The following PLCB1 variants were observed in gnomAD, a reference collection of about 807,000 sequenced individuals.
PLCB1 encodes 1-phosphatidylinositol 4,5-bisphosphate phosphodiesterase beta-1.
In PLCB1, 46 loss-of-function variants were observed where a neutral mutation model predicts 161.8. The ratio of observed to expected loss-of-function variants is 0.28; its 90% CI spans 0.22 to 0.36. The LOEUF (loss-of-function observed/expected upper bound fraction) is 0.36. PLCB1 is among the 10% of genes least tolerant of loss of function. The pLI is 1.00. For missense variants in PLCB1, 1,016 were observed against 1,472.5 expected (o/e 0.69, Z 5.07); for synonymous variants, 517 against 503.7 (o/e 1.03, Z -0.35).
chr20:8,767,698 A>G (rs1388157480), intron 26 of PLCB1, among the ~76,000 whole-genome samples: 1 of 152,128 alleles, frequency 6.6e-6, no homozygotes, highest in African/African-American at 2.4e-5. Flanking sequence ...GGCGGACCAC[A>G]GGGGGCTTCC....
chr20:8,561,206 G>A (rs1986128780), intron 3 of PLCB1, among the ~76,000 whole-genome samples: 1 of 151,798 alleles, frequency 6.6e-6, no homozygotes, highest in Admixed American at 6.6e-5. Flanking sequence ...TCCTGTGTGT[G>A]GTTCAACATT....
intron 3 of PLCB1, among the ~76,000 whole-genome samples, chr20:8,537,322 G>A (rs557514993): frequency 6.6e-6 from 1 of 152,224 alleles, no homozygotes; most frequent in South Asian, 2.1e-4. Flanking sequence ...CCCTTTTCCG[G>A]TGGAATGCCC....
chr20:8,728,271 A>G (rs1980046754), intron 17 of PLCB1, among the ~76,000 whole-genome samples: 1 of 152,086 alleles, frequency 6.6e-6, no homozygotes, highest in African/African-American at 2.4e-5. Flanking sequence ...TTCAGCTAGC[A>G]AGTTTGAGAG....
At chr20:8,538,311 G>A (rs988951606) in intron 3 of PLCB1, among the ~76,000 whole-genome samples, 4 of 152,242 alleles carry the variant, frequency 2.6e-5, no homozygotes, top group South Asian at 4.1e-4. Flanking sequence ...CTAACCCTAA[G>A]CATTATTTTG....
chr20:8,388,105 G>C (rs1987482753), intron 3 of PLCB1, among the ~76,000 whole-genome samples: 1 of 151,942 alleles, frequency 6.6e-6, no homozygotes. Context: ...GTGAATTCAG[G>C]TCAAATGATG....
chr20:8,373,137 A>T (rs1342805060), intron 3 of PLCB1, among the ~76,000 whole-genome samples: 1 of 152,202 alleles, frequency 6.6e-6, no homozygotes, highest in Non-Finnish European at 1.5e-5. Context: ...TCTCGTGAGG[A>T]TGGATTTTTA....
chr20:8,340,116 T>C (rs1985743784), intron 2 of PLCB1, among the ~76,000 whole-genome samples: 1 of 152,216 alleles, frequency 6.6e-6, no homozygotes, highest in Admixed American at 6.5e-5. Context: ...TTTCCAACTC[T>C]CTAATTCCCC....
chr20:8,878,069 T>A (rs1441786325), intron 31 of PLCB1, among the ~76,000 whole-genome samples: 1 of 152,214 alleles, frequency 6.6e-6, no homozygotes, highest in Non-Finnish European at 1.5e-5. Context: ...TTTCTTGTAT[T>A]TTACTTCTTT....
chr20:8,840,712 G>T (rs1303961308), intron 31 of PLCB1, among the ~76,000 whole-genome samples: 1 of 152,086 alleles, frequency 6.6e-6, no homozygotes, highest in Non-Finnish European at 1.5e-5. Context: ...ATTTGAATTT[G>T]GCAGAGACCC....
intron 3 of PLCB1, among the ~76,000 whole-genome samples, chr20:8,402,468 C>A (rs1212471927): frequency 6.6e-6 from 1 of 152,024 alleles, no homozygotes; most frequent in East Asian, 1.9e-4. Context: ...TTCTAACCAC[C>A]TTTTATTAAA....
chr20:8,841,263 A>G (rs999948051), intron 31 of PLCB1, among the ~76,000 whole-genome samples: 10 of 152,340 alleles, frequency 6.6e-5, no homozygotes, highest in African/African-American at 1.9e-4. Context: ...CTACAAGACA[A>G]TTTCCTTAAA....
At chr20:8,486,029 T>A (rs6039174) in intron 3 of PLCB1, among the ~76,000 whole-genome samples, 1,635 of 152,246 alleles carry the variant, frequency 0.011, 26 homozygotes, top group African/African-American at 0.036. Context: ...CTTCTTCACA[T>A]GATAACAGGA....
intron 3 of PLCB1, among the ~76,000 whole-genome samples, chr20:8,434,192 T>A (rs1980195881): frequency 6.6e-6 from 1 of 152,228 alleles, no homozygotes; most frequent in Non-Finnish European, 1.5e-5. Flanking sequence ...GTTAGTTTTG[T>A]GTCTGCACTT....
intron 10 of PLCB1, 22 bp downstream of exon 10, chr20:8,685,100 G>T (rs1216132488): frequency 6.2e-7 from 1 of 1,608,362 alleles, no homozygotes; most frequent in Non-Finnish European, 8.5e-7. Flanking sequence ...CTAGTTCTTT[G>T]TTACTTTAGC....
chr20:8,843,293 T>C (rs1476988791), intron 31 of PLCB1, among the ~76,000 whole-genome samples: 4 of 151,874 alleles, frequency 2.6e-5, no homozygotes, highest in Non-Finnish European at 5.9e-5. Context: ...GACAGAAATT[T>C]TGTGGAATAT....
At chr20:8,752,423 A>G (rs1346989209) in intron 23 of PLCB1, 2 of 152,218 alleles carry the variant, frequency 1.3e-5, no homozygotes, top group East Asian at 1.9e-4. Context: ...GCTGTTGTAT[A>G]TAACAGTGTC....
Position 8,234,688 on chromosome 20 carries a change from C to T in PLCB1, c.177+84317C>T, listed in dbSNP as rs890721229. On this transcript the variant is annotated intron_variant, in intron 2 of 31. Transcript: ENST00000338037. ...AATATCCAGATTTCTTTTTTTGCCT[C>T]TATTGTCTTTGCTTTGACTTTGTGG... 4.6e-5 allele frequency among the ~76,000 whole-genome samples: 7 copies of T among 152,136 alleles called. No homozygotes were observed. The East Asian group carries it at 1.4e-3, about 29-fold the overall frequency.
chr20:8,605,875 TTG>T (rs1987743214), intron 3 of PLCB1, among the ~76,000 whole-genome samples: 1 of 134,168 alleles, frequency 7.5e-6, no homozygotes, highest in Non-Finnish European at 1.8e-5. Flanking sequence ...TAGCTCTCGC[TTG>T]TAAGTGAGAA....
chr20:8,481,467 T>A (rs929983300), intron 3 of PLCB1, among the ~76,000 whole-genome samples: 2 of 152,198 alleles, frequency 1.3e-5, no homozygotes, highest in Admixed American at 1.3e-4. Context: ...GGCTACTTGC[T>A]CTGCAGAGTA....
Sources: allele counts gnomAD v4.1 joint callset (sites outside exome capture counted in the v4.1 genomes callset), GRCh38; gene constraint gnomAD v4.1.1; transcripts MANE v1.5; gene names NCBI Gene and HGNC (gene_info 2026-07-23, HGNC 2026-07-21).